The following FANCC variants were observed in gnomAD, a reference collection of about 807,000 sequenced individuals.
The protein encoded by FANCC is Fanconi anemia group C protein.
Under a neutral mutation model 71.3 loss-of-function variants are expected in FANCC, and 55 were observed. That is an observed-to-expected ratio of 0.77 (90% CI 0.62 to 0.97). FANCC has a LOEUF of 0.97. Ranked by LOEUF, FANCC falls within the 50% of genes least tolerant of loss-of-function variation. FANCC has a pLI of 0.00. For missense variants in FANCC, 678 were observed against 670.9 expected (o/e 1.01, Z -0.12); for synonymous variants, 275 against 244.9 (o/e 1.12, Z -1.15).
intron 4 of FANCC, among the ~76,000 whole-genome samples, chr9:95,201,186 T>C (rs1056358398): frequency 1.3e-5 from 2 of 152,092 alleles, no homozygotes; most frequent in Admixed American, 1.3e-4. Flanking sequence ...ACATTTGAAG[T>C]ACACGTTAAT....
At chr9:95,188,023 G>T (rs1026722875) in intron 4 of FANCC, among the ~76,000 whole-genome samples, 7 of 151,290 alleles carry the variant, frequency 4.6e-5, no homozygotes, top group African/African-American at 1.4e-4. Context: ...CCCGGCTAGA[G>T]ATCTGGCTCA....
rs1006894812 is a variant in FANCC, at chr9:95,293,609, C to T, written c.-79+23917G>A. On this transcript the variant is annotated intron_variant, in intron 1 of 14. Coordinates refer to ENST00000289081, the MANE Select transcript of FANCC (RefSeq NM_000136.3). ...CAGATCTGTCTTATGCCTCACAAAA[C>T]TTTATACCTTCTGCACAGTGGGCCA... The T allele has an allele frequency of 8.1e-6, 13 of 1,614,074 alleles. No individual in the cohort carries two copies. In the African/African-American group the frequency reaches 1.7e-4, roughly 22 times the overall value.
intron 1 of FANCC, among the ~76,000 whole-genome samples, chr9:95,289,061 C>T (rs1238157308): frequency 6.6e-6 from 1 of 152,074 alleles, no homozygotes; most frequent in East Asian, 1.9e-4. Flanking sequence ...CGGATCATGC[C>T]ACTGCACTCC....
At chr9:95,259,975 CA>C (rs1414352025) in intron 1 of FANCC, among the ~76,000 whole-genome samples, 1 of 152,202 alleles carries the variant, frequency 6.6e-6, no homozygotes, top group Admixed American at 6.5e-5. Flanking sequence ...AAATGCAAAT[CA>C]AAACCACAAT....
At position 95,100,219 on chromosome 9, in the gene FANCC, T is replaced by G. The variant is rs1216147426; in HGVS notation, c.*1488A>C. 4.5e-6 allele frequency: 1 copy of G among 223,002 alleles called. No homozygotes were observed. Among genetic ancestry groups the G allele is most frequent in the African/African-American group, 2.8e-5 (1 of 36,334 alleles). The allele number at this position is 223,002 out of a possible 1,614,324, so 13.8% of individuals were successfully genotyped here. A position where few individuals can be genotyped will look rare whatever the true frequency, so the allele number is the denominator to read the frequency against. Reference sequence around the variant, plus strand: ...CACGAAGCATGTTATATGAAGGCAATGACCATGAGCACGAAGCATGTTATA... The same window carrying G: ...CACGAAGCATGTTATATGAAGGCAAGGACCATGAGCACGAAGCATGTTATA... On this transcript the variant is annotated 3_prime_UTR_variant, in exon 15 of 15. Coordinates refer to ENST00000289081, the MANE Select transcript of FANCC (RefSeq NM_000136.3).
At chr9:95,164,915 G>T (rs1212016781) in intron 6 of FANCC, among the ~76,000 whole-genome samples, 2 of 151,926 alleles carry the variant, frequency 1.3e-5, no homozygotes, top group African/African-American at 2.4e-5. Context: ...TCTGGTCCTG[G>T]TTTTTTTCTT....
intron 6 of FANCC, among the ~76,000 whole-genome samples, chr9:95,164,544 G>A (rs1830951462): frequency 6.6e-6 from 1 of 152,044 alleles, no homozygotes; most frequent in Non-Finnish European, 1.5e-5. Context: ...TGCCATTTCT[G>A]CATTAAGATG....
chr9:95,261,791 T>C (rs1404898179), intron 1 of FANCC, among the ~76,000 whole-genome samples: 1 of 152,196 alleles, frequency 6.6e-6, no homozygotes, highest in Non-Finnish European at 1.5e-5. Flanking sequence ...AGCAGAGAGA[T>C]GCAGACGCTG....
Position 95,291,967 on chromosome 9 carries a change from A to AAAT in FANCC, c.-79+25558_-79+25559insATT, listed in dbSNP as rs1441757988. Reference sequence around the variant, plus strand: ...TGTCTCAAAAAAAAAAAAAAAAAAAAATATATATATATATATATATATATA... The same window carrying AAAT: ...TGTCTCAAAAAAAAAAAAAAAAAAAAAATATATATATATATATATATATATATA... On this transcript the variant is annotated intron_variant, in intron 1 of 14. Transcript: ENST00000289081. 4.3e-3 allele frequency among the ~76,000 whole-genome samples: 216 copies of AAAT among 50,408 alleles called. 7 individuals are homozygous for AAAT. Among genetic ancestry groups the AAAT allele is most frequent in the East Asian group, 9.0e-3 (12 of 1,334 alleles). 33.1% of individuals were successfully genotyped at this position (50,408 alleles called of 152,430 possible).
chr9:95,129,146 A>C (rs1479663557), intron 8 of FANCC, among the ~76,000 whole-genome samples: 1 of 152,024 alleles, frequency 6.6e-6, no homozygotes, highest in Non-Finnish European at 1.5e-5. Flanking sequence ...CACTGAAAAA[A>C]AAGAAAACCA....
chr9:95,218,457 C>T (rs1034123299), intron 4 of FANCC, among the ~76,000 whole-genome samples: 5 of 152,098 alleles, frequency 3.3e-5, no homozygotes, highest in African/African-American at 1.2e-4. Context: ...GAAGGAGACC[C>T]TGTCTCAAAA....
At chr9:95,107,566 A>T (rs1398562687) in intron 13 of FANCC, 2 of 500,298 alleles carry the variant, frequency 4.0e-6, no homozygotes, top group African/African-American at 3.8e-5. Context: ...ATGTAGTCAG[A>T]TTTTTATATT....
At chr9:95,125,605 T>C (rs1825855020) in intron 9 of FANCC, among the ~76,000 whole-genome samples, 1 of 152,210 alleles carries the variant, frequency 6.6e-6, no homozygotes, top group Non-Finnish European at 1.5e-5. Context: ...CTGGTTTCGC[T>C]TCCATGCATT....
At chr9:95,234,483 C>T (rs1830184971) in intron 4 of FANCC, among the ~76,000 whole-genome samples, 1 of 152,156 alleles carries the variant, frequency 6.6e-6, no homozygotes, top group African/African-American at 2.4e-5. Flanking sequence ...ACACACACAT[C>T]CTAAAATTTA....
At chr9:95,305,065 AAC>A (rs1327695805) in intron 1 of FANCC, among the ~76,000 whole-genome samples, 1 of 152,170 alleles carries the variant, frequency 6.6e-6, no homozygotes, top group Non-Finnish European at 1.5e-5. Flanking sequence ...ATCGCTTACA[AAC>A]AGTCACTTAA....
chr9:95,186,642 C>A (rs1376565347), intron 4 of FANCC: 1 of 152,176 alleles, frequency 6.6e-6, no homozygotes, highest in Non-Finnish European at 1.5e-5. Flanking sequence ...CAGTATAATT[C>A]CACCTATGTG....
chr9:95,125,679 T>C (rs1825869890), intron 9 of FANCC, among the ~76,000 whole-genome samples: 2 of 152,198 alleles, frequency 1.3e-5, no homozygotes, highest in African/African-American at 4.8e-5. Context: ...ACAAAAAAAC[T>C]CTCAAATTTT....
intron 7 of FANCC, among the ~76,000 whole-genome samples, chr9:95,139,258 T>C (rs2135247175): frequency 6.6e-6 from 1 of 152,246 alleles, no homozygotes; most frequent in Middle Eastern, 3.4e-3. Context: ...AGTTTCACCC[T>C]CTCCGTGTAG....
intron 6 of FANCC, among the ~76,000 whole-genome samples, chr9:95,159,494 C>T (rs1485905252): frequency 1.3e-5 from 2 of 152,112 alleles, no homozygotes; most frequent in Non-Finnish European, 2.9e-5. Context: ...AATAAACATA[C>T]GTGTGCATGT....
Sources: gnomAD v4.1 joint callset for allele counts (sites outside exome capture counted in the v4.1 genomes callset) on GRCh38, gnomAD v4.1.1 for gene constraint, MANE v1.5 for transcripts, NCBI Gene and HGNC (gene_info 2026-07-23, HGNC 2026-07-21) for gene names.